Variants in MGMT observed in about 807,000 individuals in gnomAD.
MGMT encodes the protein O-6-methylguanine-DNA methyltransferase.
Under a neutral mutation model 15.9 loss-of-function variants are expected in MGMT, and 14 were observed. The ratio of observed to expected loss-of-function variants is 0.88; its 90% CI spans 0.58 to 1.37. The LOEUF (loss-of-function observed/expected upper bound fraction) is 1.37. Ranked by LOEUF, MGMT falls within the 40% of genes most tolerant of loss-of-function variation. MGMT has a pLI of 0.00. For synonymous variants in MGMT, 130 were observed against 118.2 expected (o/e 1.10, Z -0.65); for missense variants, 282 against 268.1 (o/e 1.05, Z -0.36).
At chr10:129,759,521 C>G (rs1418933263) in intron 4 of MGMT, among the ~76,000 whole-genome samples, 180 bp downstream of exon 4, 15 of 152,134 alleles carry the variant, frequency 9.9e-5, no homozygotes, top group Non-Finnish European at 2.9e-5. Context: ...GAGGCTACCC[C>G]AGCACTACAC....
At chr10:129,549,670 G>A (rs1846134268) in intron 2 of MGMT, among the ~76,000 whole-genome samples, 1 of 152,152 alleles carries the variant, frequency 6.6e-6, no homozygotes, top group South Asian at 2.1e-4. Context: ...AGCTGGAACA[G>A]TTTTGCTGGT....
intron 2 of MGMT, among the ~76,000 whole-genome samples, chr10:129,634,257 C>A (rs1482825033): frequency 2.0e-5 from 3 of 151,986 alleles, no homozygotes; most frequent in Non-Finnish European, 4.4e-5. Flanking sequence ...TGATTTTTTC[C>A]TCTGGTAGGT....
Position 129,532,118 on chromosome 10 carries a change from C to A in MGMT, c.-12-4123C>A, listed in dbSNP as rs1251645561. Among the ~76,000 whole-genome samples, 1 of 152,234 alleles carries A rather than the reference C, an allele frequency of 6.6e-6. No homozygotes were observed. Among genetic ancestry groups the A allele is most frequent in the Non-Finnish European group, 1.5e-5 (1 of 68,044 alleles). Reference sequence around the variant, plus strand: ...TCAGTGTGTTCCCATGGCTTCAGGCCACCTTTGCTGGTCAGGGGAGCTGGT... The same window carrying A: ...TCAGTGTGTTCCCATGGCTTCAGGCAACCTTTGCTGGTCAGGGGAGCTGGT... On this transcript the variant is annotated intron_variant, in intron 1 of 4. Coordinates refer to ENST00000651593, the MANE Select transcript of MGMT (RefSeq NM_002412.5). This position sits in a 1 kb window ranked among gnomAD's most constrained non-coding sequence, Gnocchi z 5.3.
At chr10:129,567,154 C>T (rs1311199023) in intron 2 of MGMT, among the ~76,000 whole-genome samples, 3 of 152,176 alleles carry the variant, frequency 2.0e-5, no homozygotes, top group South Asian at 2.1e-4. Flanking sequence ...CTCCCGCCTG[C>T]GGACTCCCAC....
chr10:129,484,389 T>A (rs1845387748), intron 1 of MGMT, among the ~76,000 whole-genome samples: 1 of 152,228 alleles, frequency 6.6e-6, no homozygotes, highest in Admixed American at 6.5e-5. Context: ...CTGCATCTAA[T>A]CTGTACATCC....
At chr10:129,548,838 A>C (rs549653720) in intron 2 of MGMT, among the ~76,000 whole-genome samples, 25 of 152,320 alleles carry the variant, frequency 1.6e-4, no homozygotes, top group African/African-American at 5.5e-4. Context: ...GGGAGGAGGC[A>C]GAGAGCCTGG....
chr10:129,536,494 A>G, intron 2 of MGMT, 117 bp downstream of exon 2: 1 of 1,272,800 alleles, frequency 7.9e-7, no homozygotes, highest in South Asian at 1.7e-5. Flanking sequence ...TACCCCCACA[A>G]CCGCAACCAC....
At chr10:129,482,637 C>T (rs1324225507) in intron 1 of MGMT, among the ~76,000 whole-genome samples, 1 of 152,102 alleles carries the variant, frequency 6.6e-6, no homozygotes, top group East Asian at 1.9e-4. Context: ...AACCTTTACT[C>T]TTATGAAATG....
At chr10:129,740,155 C>T (rs185125178) in intron 3 of MGMT, among the ~76,000 whole-genome samples, 14 of 152,302 alleles carry the variant, frequency 9.2e-5, no homozygotes, top group African/African-American at 2.4e-4. Flanking sequence ...AGTCGGGGTC[C>T]GGGAAAGGGT....
intron 1 of MGMT, among the ~76,000 whole-genome samples, chr10:129,483,684 G>C (rs1022740153): frequency 6.6e-6 from 1 of 151,676 alleles, no homozygotes; most frequent in African/African-American, 2.4e-5. Flanking sequence ...GGCCACTAAG[G>C]TTTTCTCTTT....
At chr10:129,616,322 C>T (rs766064238) in intron 2 of MGMT, among the ~76,000 whole-genome samples, 15 of 152,306 alleles carry the variant, frequency 9.8e-5, no homozygotes, top group South Asian at 8.3e-4. Flanking sequence ...CCGGAGAGGC[C>T]GCCCAGGCAG....
intron 2 of MGMT, among the ~76,000 whole-genome samples, chr10:129,565,409 T>G (rs1323079834): frequency 3.9e-5 from 6 of 152,210 alleles, no homozygotes; most frequent in Non-Finnish European, 8.8e-5. Flanking sequence ...AATATTGGTG[T>G]GTGGACCCCT....
At chr10:129,625,295 G>A (rs1166315031) in intron 2 of MGMT, among the ~76,000 whole-genome samples, 2 of 152,184 alleles carry the variant, frequency 1.3e-5, no homozygotes, top group Non-Finnish European at 2.9e-5. Context: ...TAAGGAAGAA[G>A]TAATTCCAAT....
intron 1 of MGMT, among the ~76,000 whole-genome samples, chr10:129,518,396 G>A (rs1157382583): frequency 7.1e-6 from 1 of 141,452 alleles, no homozygotes; most frequent in Non-Finnish European, 1.5e-5. Flanking sequence ...GACAAGACAG[G>A]TCTGAACTGT....
chr10:129,631,231 T>C (rs937154064), intron 2 of MGMT, among the ~76,000 whole-genome samples: 1 of 152,184 alleles, frequency 6.6e-6, no homozygotes, highest in Non-Finnish European at 1.5e-5. Flanking sequence ...TAGCCTGAGA[T>C]TTACACAGTC....
At chr10:129,481,402 G>A (rs1845356577) in intron 1 of MGMT, among the ~76,000 whole-genome samples, 1 of 152,204 alleles carries the variant, frequency 6.6e-6, no homozygotes, top group Non-Finnish European at 1.5e-5. Context: ...CATGAGAGGT[G>A]TTGGTCAGCA....
intron 3 of MGMT, among the ~76,000 whole-genome samples, chr10:129,750,071 C>G (rs887636331): frequency 6.6e-6 from 1 of 151,970 alleles, no homozygotes. Flanking sequence ...GTCTGCCTCT[C>G]GTTTTCAGAG....
At chr10:129,663,158 T>A (rs1360441704) in intron 2 of MGMT, among the ~76,000 whole-genome samples, 1 of 152,206 alleles carries the variant, frequency 6.6e-6, no homozygotes, top group Non-Finnish European at 1.5e-5. Flanking sequence ...AAGAAAAGTT[T>A]CATAAAAGAA....
Position 129,732,723 on chromosome 10 carries a change from A to G in MGMT, c.274+24680A>G, listed in dbSNP as rs1185209045. ...CCCTCCCCCGTCCCCCCACCCCACA[A>G]CAGTCCCCAGAATGTGATGTTCGCC... On this transcript the variant is annotated intron_variant, in intron 3 of 4. Coordinates refer to ENST00000651593, the MANE Select transcript of MGMT (RefSeq NM_002412.5). Among the ~76,000 whole-genome samples the G allele has an allele frequency of 2.4e-5, 3 of 123,516 alleles. No individual in the cohort carries two copies. In the Admixed American group the frequency reaches 2.9e-4, roughly 12 times the overall value. The allele number at this position is 123,516 out of a possible 152,430, so 81.0% of individuals were successfully genotyped here. A position where few individuals can be genotyped will look rare whatever the true frequency, so the allele number is the denominator to read the frequency against.
Sources: allele counts gnomAD v4.1 joint callset (sites outside exome capture counted in the v4.1 genomes callset), GRCh38; gene constraint gnomAD v4.1.1; non-coding constraint Gnocchi (gnomAD v3.1); transcripts MANE v1.5; gene names NCBI Gene and HGNC (gene_info 2026-07-23, HGNC 2026-07-21).